DOCK10: variants seen among roughly 807,000 people sequenced by gnomAD.
DOCK10 encodes dedicator of cytokinesis protein 10.
Under a neutral mutation model 280.1 loss-of-function variants are expected in DOCK10, and 145 were observed. The observed-to-expected ratio is 0.52, with a 90% CI of 0.45 to 0.59. The LOEUF (loss-of-function observed/expected upper bound fraction) is 0.59. Ranked by LOEUF, DOCK10 falls within the 20% of genes least tolerant of loss-of-function variation. The probability of loss-of-function intolerance (pLI) is 0.00; values close to 1 mark genes in which losing one functional copy is unlikely to be tolerated. For synonymous variants in DOCK10, 915 were observed against 942.2 expected (o/e 0.97, Z 0.53); for missense variants, 2,368 against 2,651.7 (o/e 0.89, Z 2.35).
intron 1 of DOCK10, among the ~76,000 whole-genome samples, chr2:224,992,649 T>A (rs548375934): frequency 6.6e-6 from 1 of 152,228 alleles, no homozygotes; most frequent in Non-Finnish European, 1.5e-5. Flanking sequence ...TATCTCCAGT[T>A]TGTGCTACTG....
intron 1 of DOCK10, among the ~76,000 whole-genome samples, chr2:225,030,791 A>C (rs969299980): frequency 6.6e-6 from 1 of 152,202 alleles, no homozygotes; most frequent in Non-Finnish European, 1.5e-5. Flanking sequence ...ATTTAACAAT[A>C]AAAATTTTAT....
At chr2:224,904,937 A>G (rs926221882) in intron 3 of DOCK10, among the ~76,000 whole-genome samples, 2 of 152,212 alleles carry the variant, frequency 1.3e-5, no homozygotes, top group African/African-American at 4.8e-5. Context: ...TCAGTTAAAA[A>G]TGAGCAGCAT....
At chr2:225,023,636 C>G (rs946820072) in intron 1 of DOCK10, among the ~76,000 whole-genome samples, 9 of 152,130 alleles carry the variant, frequency 5.9e-5, no homozygotes, top group African/African-American at 2.2e-4. Flanking sequence ...CTCTGCACAA[C>G]AAGCTGGCAG....
intron 4 of DOCK10, among the ~76,000 whole-genome samples, chr2:224,889,108 A>C (rs184126101): frequency 3.5e-4 from 53 of 152,364 alleles, no homozygotes; most frequent in African/African-American, 1.0e-3. Flanking sequence ...TATTGTGTAA[A>C]AGCAACCTCT....
chr2:224,963,400 CAT>C (rs1704557913), intron 1 of DOCK10, among the ~76,000 whole-genome samples: 1 of 152,282 alleles, frequency 6.6e-6, no homozygotes, highest in South Asian at 2.1e-4. Flanking sequence ...AAATGTGAAT[CAT>C]GTGCCAAAAT....
At chr2:224,963,290 C>A (rs1704551989) in intron 1 of DOCK10, among the ~76,000 whole-genome samples, 1 of 152,210 alleles carries the variant, frequency 6.6e-6, no homozygotes, top group African/African-American at 2.4e-5. Context: ...TTGCCTGATG[C>A]CTCTACATTA....
At chr2:224,884,706 C>G (rs1699175123) in intron 7 of DOCK10, among the ~76,000 whole-genome samples, 1 of 152,178 alleles carries the variant, frequency 6.6e-6, no homozygotes, top group African/African-American at 2.4e-5. Context: ...AAATTAGACT[C>G]TCTGGAATCA....
chr2:224,867,984 T>C (rs981827196), intron 11 of DOCK10, among the ~76,000 whole-genome samples: 2 of 152,010 alleles, frequency 1.3e-5, no homozygotes, highest in African/African-American at 4.8e-5. Flanking sequence ...CCAGTGGCAG[T>C]TGGATGTGTG....
intron 41 of DOCK10, among the ~76,000 whole-genome samples, chr2:224,799,910 G>A (rs532361096): frequency 6.6e-6 from 1 of 152,080 alleles, no homozygotes. Context: ...CAAGATAAAT[G>A]AGGAAGAAAG....
chr2:224,963,938 C>T (rs905356906), intron 1 of DOCK10, among the ~76,000 whole-genome samples: 4 of 149,886 alleles, frequency 2.7e-5, no homozygotes, highest in Non-Finnish European at 4.4e-5. Context: ...GTCCAACTGA[C>T]TATTGGAACA....
chr2:225,009,632 C>G (rs1478927232), intron 1 of DOCK10, among the ~76,000 whole-genome samples: 1 of 95,316 alleles, frequency 1.0e-5, no homozygotes, highest in Non-Finnish European at 2.1e-5. Context: ...AAGGCAAGCC[C>G]TAAGGCAAAA....
chr2:224,967,199 C>T (rs376839461), intron 1 of DOCK10, among the ~76,000 whole-genome samples: 2 of 152,020 alleles, frequency 1.3e-5, no homozygotes, highest in African/African-American at 4.8e-5. Flanking sequence ...TCTGCCTCAG[C>T]CTCCCGAGTA....
chr2:224,940,194 A>T (rs1199646818), intron 1 of DOCK10, among the ~76,000 whole-genome samples: 1 of 152,102 alleles, frequency 6.6e-6, no homozygotes, highest in Non-Finnish European at 1.5e-5. Flanking sequence ...CTCCCACAAG[A>T]CTTTCCATTA....
At chr2:224,924,726 C>T (rs1269526298) in intron 2 of DOCK10, among the ~76,000 whole-genome samples, 4 of 152,174 alleles carry the variant, frequency 2.6e-5, no homozygotes, top group African/African-American at 9.7e-5. Flanking sequence ...ACCAGGGTCT[C>T]CACACACATT....
intron 1 of DOCK10, among the ~76,000 whole-genome samples, chr2:224,992,242 C>T (rs767118337): frequency 4.6e-5 from 7 of 152,294 alleles, no homozygotes; most frequent in African/African-American, 7.2e-5. Context: ...ATTTTTCTCC[C>T]TTTGAATTGT....
chr2:224,920,354 A>G (rs567661731), intron 2 of DOCK10, among the ~76,000 whole-genome samples: 2 of 151,736 alleles, frequency 1.3e-5, no homozygotes, highest in South Asian at 4.2e-4. Flanking sequence ...GATTACAGGC[A>G]TGAGCCACTG....
chr2:224,789,033 G>A lies in DOCK10; in HGVS notation c.5418+31C>T, dbSNP rs757838395. On this transcript the variant is annotated intron_variant, in intron 48 of 55. Coordinates refer to ENST00000258390, the MANE Select transcript of DOCK10 (RefSeq NM_014689.3). ...ACAAGCCAATGCATCTCTTTCCTTC[G>A]TTACTGTACATGAGATAATTTTGGT... 101 of 1,404,774 alleles carry A rather than the reference G, an allele frequency of 7.2e-5. 1 individual carries two copies. Among genetic ancestry groups the A allele is most frequent in the Non-Finnish European group, 7.5e-5 (75 of 996,752 alleles). The allele number at this position is 1,404,774 out of a possible 1,614,324, so 87.0% of individuals were successfully genotyped here.
At chr2:224,916,473 G>A (rs560191195) in intron 3 of DOCK10, among the ~76,000 whole-genome samples, 86 of 151,734 alleles carry the variant, frequency 5.7e-4, no homozygotes, top group Admixed American at 1.7e-3. Context: ...CCTGGGAGGC[G>A]GAGGCTGCTG....
intron 1 of DOCK10, among the ~76,000 whole-genome samples, chr2:225,035,542 TTATATATATATA>T (rs57424275): frequency 0.085 from 4,230 of 50,016 alleles, 256 homozygotes; most frequent in Non-Finnish European, 0.093. Context: ...ATGATATATA[TTATATATATATA>T]TATATATATA....
Sources: allele counts gnomAD v4.1 joint callset (sites outside exome capture counted in the v4.1 genomes callset), GRCh38; gene constraint gnomAD v4.1.1; transcripts MANE v1.5; gene names NCBI Gene and HGNC (gene_info 2026-07-23, HGNC 2026-07-21).